The following VTI1A variants were observed in gnomAD, a reference collection of about 807,000 sequenced individuals.
The protein encoded by VTI1A is vesicle transport through interaction with t-SNAREs homolog 1A.
Under a neutral mutation model 34.9 loss-of-function variants are expected in VTI1A, and 22 were observed. That is an observed-to-expected ratio of 0.63 (90% confidence interval 0.45 to 0.90). The LOEUF (loss-of-function observed/expected upper bound fraction) is 0.90, where lower values mean the gene tolerates loss of function less well. Among genes scored for constraint, VTI1A ranks in the 40% least tolerant of loss-of-function variants. The probability of loss-of-function intolerance (pLI) is 0.00; values close to 1 mark genes in which losing one functional copy is unlikely to be tolerated. For missense variants in VTI1A, 268 were observed against 275.6 expected (o/e 0.97, Z 0.20); for synonymous variants, 87 against 97.3 (o/e 0.89, Z 0.62).
chr10:112,733,933 G>A (rs1257981744), intron 7 of VTI1A, among the ~76,000 whole-genome samples: 1 of 151,788 alleles, frequency 6.6e-6, no homozygotes, highest in African/African-American at 2.4e-5. Context: ...TGTATTTTTA[G>A]TAGAGACAGG....
At chr10:112,567,115 G>A (rs561987323) in intron 5 of VTI1A, among the ~76,000 whole-genome samples, 2 of 151,934 alleles carry the variant, frequency 1.3e-5, no homozygotes, top group Admixed American at 1.3e-4. Flanking sequence ...CTGCAGCCTC[G>A]ACCTCCCTGG....
chr10:112,455,305 C>T (rs1258409969), intron 1 of VTI1A, among the ~76,000 whole-genome samples: 1 of 16,522 alleles, frequency 6.1e-5, no homozygotes, highest in African/African-American at 2.9e-4. Flanking sequence ...CTCCCCTCCT[C>T]CACTCCCCTC....
chr10:112,820,896 G>A (rs991753079), downstream of VTI1A, among the ~76,000 whole-genome samples: 1 of 152,108 alleles, frequency 6.6e-6, no homozygotes, highest in East Asian at 1.9e-4. Flanking sequence ...CTAGCACCAG[G>A]GGATAGCAAG....
chr10:112,585,456 A>G (rs1844109434), intron 5 of VTI1A, among the ~76,000 whole-genome samples: 1 of 152,204 alleles, frequency 6.6e-6, no homozygotes, highest in Admixed American at 6.5e-5. Flanking sequence ...ATTTTCATGA[A>G]AGAACTTTCT....
intron 5 of VTI1A, among the ~76,000 whole-genome samples, chr10:112,600,930 A>G (rs1315973158): frequency 2.6e-5 from 4 of 152,252 alleles, no homozygotes; most frequent in African/African-American, 9.6e-5. Context: ...AAATATGAAG[A>G]AAGTGCAATC....
intron 7 of VTI1A, among the ~76,000 whole-genome samples, chr10:112,672,438 T>A (rs1847884315): frequency 6.6e-6 from 1 of 152,196 alleles, no homozygotes; most frequent in Non-Finnish European, 1.5e-5. Flanking sequence ...GTAATTTTTC[T>A]TCGATCCTGA....
intron 7 of VTI1A, among the ~76,000 whole-genome samples, chr10:112,705,172 G>A (rs1490969021): frequency 1.3e-5 from 2 of 151,842 alleles, no homozygotes; most frequent in Non-Finnish European, 2.9e-5. Context: ...CAAAGTACCT[G>A]ATTACAGTCA....
intron 7 of VTI1A, among the ~76,000 whole-genome samples, chr10:112,775,577 GA>G (rs34442601): frequency 2.6e-5 from 4 of 151,844 alleles, no homozygotes; most frequent in African/African-American, 7.3e-5. Flanking sequence ...AGCAGAGGGG[GA>G]AAAAAAATCC....
chr10:112,476,745 A>ACT (rs1281331066), intron 3 of VTI1A, among the ~76,000 whole-genome samples: 3 of 152,184 alleles, frequency 2.0e-5, no homozygotes. Context: ...GCTTTGCCAA[A>ACT]CTGAAGTAAG....
At chr10:112,741,118 A>G (rs1850678880) in intron 7 of VTI1A, among the ~76,000 whole-genome samples, 1 of 152,206 alleles carries the variant, frequency 6.6e-6, no homozygotes, top group South Asian at 2.1e-4. Flanking sequence ...GACAAAAAGT[A>G]GATTATTAGT....
In VTI1A at chr10:112,739,772, A is replaced by G. The variant is rs533435421; in HGVS notation, c.560+70774A>G. The stretch of plus-strand genomic sequence containing the variant: ...CAGATTGTTTGAATAACAGTGGACT[A>G]TTGAACTGCCATCCAGATGTGTGTG... On this transcript the variant is annotated intron_variant, in intron 7 of 7. Coordinates refer to ENST00000393077, the MANE Select transcript of VTI1A (RefSeq NM_145206.4). Among the ~76,000 whole-genome samples the G allele has an allele frequency of 2.0e-4, 30 of 152,354 alleles. No individual in the cohort carries two copies. The East Asian group carries it at 3.5e-3, about 18-fold the overall frequency.
intron 5 of VTI1A, among the ~76,000 whole-genome samples, chr10:112,645,148 C>T (rs779914757): frequency 2.6e-5 from 4 of 152,196 alleles, no homozygotes; most frequent in Non-Finnish European, 5.9e-5. Flanking sequence ...ATTCCCCTGC[C>T]TAGCGCATAG....
At chr10:112,745,151 C>T (rs1045353712) in intron 7 of VTI1A, among the ~76,000 whole-genome samples, 7 of 151,854 alleles carry the variant, frequency 4.6e-5, no homozygotes, top group Admixed American at 4.6e-4. Context: ...CATTTCTTCA[C>T]CTAATAATTA....
At chr10:112,699,189 T>C (rs1057349469) in intron 7 of VTI1A, among the ~76,000 whole-genome samples, 1 of 152,264 alleles carries the variant, frequency 6.6e-6, no homozygotes, top group Non-Finnish European at 1.5e-5. Flanking sequence ...TTAGGCAAGC[T>C]AACTACCTCC....
chr10:112,496,455 C>T (rs1849031331), intron 3 of VTI1A, among the ~76,000 whole-genome samples: 1 of 151,944 alleles, frequency 6.6e-6, no homozygotes, highest in Admixed American at 6.5e-5. Flanking sequence ...CCTGTAGTCC[C>T]AGCTTCTCGG....
At chr10:112,696,108 A>G (rs1848778413) in intron 7 of VTI1A, among the ~76,000 whole-genome samples, 1 of 151,246 alleles carries the variant, frequency 6.6e-6, no homozygotes, top group Non-Finnish European at 1.5e-5. Context: ...ATATATATAT[A>G]TATATATGCA....
chr10:112,784,779 C>A (rs1490037938), intron 7 of VTI1A, among the ~76,000 whole-genome samples: 2 of 152,146 alleles, frequency 1.3e-5, no homozygotes, highest in Non-Finnish European at 2.9e-5. Context: ...TAAGGCATTT[C>A]TCCAACTGTT....
In VTI1A at chr10:112,816,050, T is replaced by C. The variant is rs912856117; in HGVS notation, c.*667T>C. 3.2e-5 allele frequency: 7 copies of C among 221,766 alleles called. No individual in the cohort carries two copies. Among genetic ancestry groups the C allele is most frequent in the Non-Finnish European group, 2.7e-5 (3 of 110,922 alleles). The allele number at this position is 221,766 out of a possible 1,614,324, so 13.7% of individuals were successfully genotyped here. ...GCCCAGTATTCACTGTTCACAACTTTGATTACTGGCTACAAGAAATATTTT... is the reference window on the plus strand; with the variant it reads ...GCCCAGTATTCACTGTTCACAACTTCGATTACTGGCTACAAGAAATATTTT... On this transcript the variant is annotated 3_prime_UTR_variant, in exon 8 of 8. Transcript: ENST00000393077.
chr10:112,832,978 G>T, the VTI1A span, among the ~76,000 whole-genome samples: 2 of 152,184 alleles, frequency 1.3e-5, no homozygotes, highest in South Asian at 2.1e-4. Flanking sequence ...GTCTGAGTGA[G>T]CAGGAAACTG....
Sources: gnomAD v4.1 joint callset for allele counts (sites outside exome capture counted in the v4.1 genomes callset) on GRCh38, gnomAD v4.1.1 for gene constraint, MANE v1.5 for transcripts, NCBI Gene and HGNC (gene_info 2026-07-23, HGNC 2026-07-21) for gene names.